The following GPRASP3 variants were observed in gnomAD, a reference collection of about 807,000 sequenced individuals.
The protein encoded by GPRASP3 is G protein-coupled receptor associated sorting protein family member 3.
At chrX:102,740,369 C>T in the GPRASP3 span, among the ~76,000 whole-genome samples, 8 of 111,720 alleles carry the variant, frequency 7.2e-5, no homozygotes, top group South Asian at 3.0e-3. Flanking sequence ...GCCTGGTAAT[C>T]CAGGGAATTC....
the GPRASP3 span, chrX:102,750,028 C>A: frequency 4.3e-5 from 52 of 1,198,266 alleles, no homozygotes; most frequent in Non-Finnish European, 5.4e-5. Flanking sequence ...TAAAATAGCA[C>A]GGATTGCAAT....
At chrX:102,749,085 T>C in the GPRASP3 span, 1 of 1,211,960 alleles carries the variant, frequency 8.3e-7, no homozygotes, top group Non-Finnish European at 1.1e-6. Context: ...AGAGGGAGGC[T>C]ACTGGTGTTG....
At chrX:102,725,702 A>T in the GPRASP3 span, among the ~76,000 whole-genome samples, 1 of 110,403 alleles carries the variant, frequency 9.1e-6, no homozygotes, top group Non-Finnish European at 1.9e-5. Flanking sequence ...CCATTAATTT[A>T]TGCCCGGCTA....
the GPRASP3 span, chrX:102,751,734 G>A: frequency 8.1e-6 from 1 of 123,215 alleles, no homozygotes; most frequent in African/African-American, 3.2e-5. Flanking sequence ...TAAATAGATG[G>A]ATTTTATCTG....
the GPRASP3 span, among the ~76,000 whole-genome samples, chrX:102,727,591 A>G: frequency 8.9e-6 from 1 of 112,411 alleles, no homozygotes; most frequent in Non-Finnish European, 1.9e-5. Flanking sequence ...GCATCCTTTT[A>G]GTAAAGGGTT....
chrX:102,750,797 C>G, the GPRASP3 span: 1 of 361,322 alleles, frequency 2.8e-6, no homozygotes, highest in Non-Finnish European at 4.6e-6. Flanking sequence ...GAATATTATA[C>G]CTTGGGCTGA....
chrX:102,750,074 T>A, the GPRASP3 span: 1 of 1,207,215 alleles, frequency 8.3e-7, no homozygotes, highest in Non-Finnish European at 1.1e-6. Context: ...GCCCAAGAGT[T>A]TATTAACGAA....
the GPRASP3 span, chrX:102,750,594 C>T: frequency 2.5e-6 from 3 of 1,179,906 alleles, no homozygotes; most frequent in East Asian, 3.0e-5. Flanking sequence ...ATAATACACT[C>T]ATGGCCATTT....
the GPRASP3 span, among the ~76,000 whole-genome samples, chrX:102,724,718 GGTGT>G: frequency 0.011 from 1,109 of 98,698 alleles, 20 homozygotes; most frequent in African/African-American, 0.037. Context: ...CAGGGTGACT[GGTGT>G]GTGTGTGTGT....
chrX:102,735,557 C>G, the GPRASP3 span, among the ~76,000 whole-genome samples: 1 of 110,123 alleles, frequency 9.1e-6, no homozygotes. Flanking sequence ...GCACCCGCCA[C>G]CACACCTGGC....
the GPRASP3 span, among the ~76,000 whole-genome samples, chrX:102,726,240 G>A: frequency 2.2e-3 from 244 of 112,092 alleles, 1 homozygote; most frequent in Non-Finnish European, 3.2e-3. Context: ...GGTTAGCAGA[G>A]GAGGTGACAT....
At chrX:102,749,791 C>T in the GPRASP3 span, 17 of 1,209,870 alleles carry the variant, frequency 1.4e-5, no homozygotes, top group Admixed American at 1.1e-4. Context: ...AACAGCTTGC[C>T]GCCCTTCTAG....
the GPRASP3 span, among the ~76,000 whole-genome samples, chrX:102,722,211 A>G: frequency 9.0e-6 from 1 of 111,669 alleles, no homozygotes; most frequent in South Asian, 3.8e-4. Context: ...TACTAGTTGG[A>G]AGTTCCCACA....
chrX:102,739,512 A>C, the GPRASP3 span, among the ~76,000 whole-genome samples: 1 of 111,266 alleles, frequency 9.0e-6, no homozygotes, highest in East Asian at 2.8e-4. Context: ...AGAGGGTAAT[A>C]TTTATTTGCC....
the GPRASP3 span, among the ~76,000 whole-genome samples, chrX:102,741,947 G>A: frequency 8.9e-6 from 1 of 111,829 alleles, no homozygotes; most frequent in South Asian, 3.7e-4. Flanking sequence ...AGACAAACAA[G>A]AACTGAGGAT....
At chrX:102,732,043 A>G in the GPRASP3 span, among the ~76,000 whole-genome samples, 1 of 111,895 alleles carries the variant, frequency 8.9e-6, no homozygotes, top group Non-Finnish European at 1.9e-5. Flanking sequence ...GCTGCCAACT[A>G]TCACTTTTAA....
chrX:102,748,129 G>A, the GPRASP3 span, among the ~76,000 whole-genome samples: 1 of 111,785 alleles, frequency 8.9e-6, no homozygotes, highest in African/African-American at 3.3e-5. Flanking sequence ...AAGCCACAAG[G>A]AGTACTAGGA....
the GPRASP3 span, among the ~76,000 whole-genome samples, chrX:102,725,826 C>G: frequency 1.8e-5 from 2 of 112,595 alleles, no homozygotes; most frequent in South Asian, 7.3e-4. Flanking sequence ...GGATTACAGG[C>G]GTGAGCCACT....
the GPRASP3 span, chrX:102,749,938 A>G: frequency 9.3e-5 from 112 of 1,208,280 alleles, no homozygotes; most frequent in African/African-American, 8.7e-5. Context: ...TTGTCCTTGC[A>G]AAATGGAATG....
Sources: allele counts gnomAD v4.1 joint callset (sites outside exome capture counted in the v4.1 genomes callset), GRCh38; gene constraint gnomAD v4.1.1; transcripts MANE v1.5; gene names NCBI Gene and HGNC (gene_info 2026-07-23, HGNC 2026-07-21).